Variants in AKR1C8 observed in about 807,000 individuals in gnomAD.
AKR1C8 encodes the protein aldo-keto reductase family 1 member C-like protein 1.
the AKR1C8 span, among the ~76,000 whole-genome samples, chr10:5,145,020 C>G: frequency 4.0e-5 from 6 of 148,688 alleles, no homozygotes. Context: ...TCATAGATAG[C>G]TCTTATTATT....
At chr10:5,170,447 A>T in the AKR1C8 span, among the ~76,000 whole-genome samples, 1 of 152,092 alleles carries the variant, frequency 6.6e-6, no homozygotes, top group African/African-American at 2.4e-5. Flanking sequence ...ATAATTATTT[A>T]TTACATAGGC....
the AKR1C8 span, among the ~76,000 whole-genome samples, chr10:5,126,672 TA>T: frequency 6.6e-6 from 1 of 151,738 alleles, no homozygotes; most frequent in Admixed American, 6.6e-5. Flanking sequence ...ATTGAATAAA[TA>T]AAAAAGTGCA....
At chr10:5,127,059 G>C in the AKR1C8 span, among the ~76,000 whole-genome samples, 1 of 151,852 alleles carries the variant, frequency 6.6e-6, no homozygotes, top group East Asian at 1.9e-4. Context: ...CAAAACCCTG[G>C]GGTCACCCAA....
At chr10:5,123,628 A>G in the AKR1C8 span, 501,838 of 1,276,964 alleles carry the variant, frequency 0.39, 105,866 homozygotes, top group Non-Finnish European at 0.43. Context: ...CACTGAGAGT[A>G]AACTCCAGGA....
At chr10:5,128,819 T>C in the AKR1C8 span, among the ~76,000 whole-genome samples, 6 of 151,956 alleles carry the variant, frequency 3.9e-5, no homozygotes, top group African/African-American at 1.4e-4. Context: ...AGAAATGAGA[T>C]AGCAACACAC....
chr10:5,146,185 C>T, the AKR1C8 span, among the ~76,000 whole-genome samples: 1 of 109,602 alleles, frequency 9.1e-6, no homozygotes, highest in Non-Finnish European at 1.7e-5. Context: ...ACATCACACT[C>T]TGGGGGACTG....
At chr10:5,124,937 C>T in the AKR1C8 span, among the ~76,000 whole-genome samples, 1 of 151,634 alleles carries the variant, frequency 6.6e-6, no homozygotes, top group African/African-American at 2.4e-5. Flanking sequence ...ACCTCGATGA[C>T]ATAAAGCATT....
the AKR1C8 span, among the ~76,000 whole-genome samples, chr10:5,129,019 A>G: frequency 6.6e-6 from 1 of 152,136 alleles, no homozygotes; most frequent in African/African-American, 2.4e-5. Context: ...AAGATAGACG[A>G]TATGATAGGC....
the AKR1C8 span, chr10:5,159,992 C>T: frequency 5.3e-6 from 2 of 375,678 alleles, no homozygotes; most frequent in Admixed American, 3.0e-5. Context: ...TGCTTCTTTG[C>T]ACTTCTCCAG....
the AKR1C8 span, among the ~76,000 whole-genome samples, chr10:5,179,232 C>G: frequency 1.2e-4 from 18 of 152,220 alleles, no homozygotes; most frequent in Non-Finnish European, 2.4e-4. Context: ...TTCTCCTTCA[C>G]TTATGAAGCT....
the AKR1C8 span, chr10:5,158,534 T>A: frequency 2.4e-6 from 1 of 409,908 alleles, no homozygotes; most frequent in Admixed American, 3.5e-5. Flanking sequence ...AAACTTCGCT[T>A]TAATAGGAGT....
At chr10:5,161,656 C>G in the AKR1C8 span, 1 of 531,066 alleles carries the variant, frequency 1.9e-6, no homozygotes, top group African/African-American at 1.9e-5. Context: ...GGCTGGGGGA[C>G]AAGGATAGAC....
At chr10:5,126,522 G>A in the AKR1C8 span, among the ~76,000 whole-genome samples, 1 of 152,006 alleles carries the variant, frequency 6.6e-6, no homozygotes, top group African/African-American at 2.4e-5. Flanking sequence ...CAACCACATT[G>A]GGTACTTCAT....
the AKR1C8 span, among the ~76,000 whole-genome samples, chr10:5,173,792 A>C: frequency 1.3e-5 from 2 of 151,768 alleles, no homozygotes; most frequent in African/African-American, 2.4e-5. Context: ...CTAAAGATTG[A>C]TATTGAAACT....
chr10:5,165,179 C>CCT, the AKR1C8 span, among the ~76,000 whole-genome samples: 7 of 152,260 alleles, frequency 4.6e-5, no homozygotes, highest in South Asian at 1.5e-3. Context: ...TACCCTCCTC[C>CCT]CTCTCCATTT....
At chr10:5,179,418 C>T in the AKR1C8 span, among the ~76,000 whole-genome samples, 2 of 152,118 alleles carry the variant, frequency 1.3e-5, no homozygotes, top group African/African-American at 4.8e-5. Context: ...AACATTTTTT[C>T]CTTCATTTCA....
the AKR1C8 span, among the ~76,000 whole-genome samples, chr10:5,135,911 A>G: frequency 6.6e-6 from 1 of 152,144 alleles, no homozygotes; most frequent in Non-Finnish European, 1.5e-5. Context: ...TTCATTCCTG[A>G]TGAAAATGCA....
the AKR1C8 span, among the ~76,000 whole-genome samples, chr10:5,183,310 A>G: frequency 6.6e-6 from 1 of 152,214 alleles, no homozygotes; most frequent in Non-Finnish European, 1.5e-5. Context: ...TTTATTTGAG[A>G]AAAGAAGACC....
chr10:5,157,554 G>A, the AKR1C8 span: 2 of 397,640 alleles, frequency 5.0e-6, no homozygotes, highest in South Asian at 2.0e-5. Context: ...TGAATGACAC[G>A]TGTCGCATTC....
Sources: allele counts gnomAD v4.1 joint callset (sites outside exome capture counted in the v4.1 genomes callset), GRCh38; gene constraint gnomAD v4.1.1; transcripts MANE v1.5; gene names NCBI Gene and HGNC (gene_info 2026-07-23, HGNC 2026-07-21).